CDH10: variants seen among roughly 807,000 people sequenced by gnomAD.
CDH10 encodes the protein cadherin 10.
In CDH10, 30 loss-of-function variants were observed where a neutral mutation model predicts 73.1. That is an observed-to-expected ratio of 0.41 (90% CI 0.31 to 0.56). The LOEUF (loss-of-function observed/expected upper bound fraction) is 0.56. Among genes scored for constraint, CDH10 ranks in the 20% least tolerant of loss-of-function variants. The pLI is 0.27. For synonymous variants in CDH10, 345 were observed against 348.2 expected, an observed-to-expected ratio of 0.99 and a Z score of 0.10; for missense variants, 815 against 973.7, an observed-to-expected ratio of 0.84 and a Z score of 2.17.
chr5:24,542,394 A>G (rs1051309360), intron 2 of CDH10, among the ~76,000 whole-genome samples: 3 of 152,148 alleles, frequency 2.0e-5, no homozygotes, highest in Non-Finnish European at 2.9e-5. Context: ...AGTTTATAAT[A>G]CTGTATTTTT....
At chr5:24,522,392 G>T (rs1007905988) in intron 5 of CDH10, among the ~76,000 whole-genome samples, 1 of 151,994 alleles carries the variant, frequency 6.6e-6, no homozygotes, top group African/African-American at 2.4e-5. Flanking sequence ...ATCTTTTTAA[G>T]AAACCTAGTA....
At chr5:24,627,497 T>C (rs79993348) in intron 1 of CDH10, among the ~76,000 whole-genome samples, 2 of 152,256 alleles carry the variant, frequency 1.3e-5, no homozygotes, top group South Asian at 2.1e-4. Flanking sequence ...TATTTAAACA[T>C]GCAATAGCGG....
intron 1 of CDH10, among the ~76,000 whole-genome samples, chr5:24,600,511 T>TA (rs1746519953): frequency 6.6e-6 from 1 of 152,160 alleles, no homozygotes; most frequent in African/African-American, 2.4e-5. Context: ...AAAGAGCACC[T>TA]AATCCAAACA....
chr5:24,562,581 T>C (rs565950914), intron 2 of CDH10, among the ~76,000 whole-genome samples: 1 of 152,294 alleles, frequency 6.6e-6, no homozygotes, highest in East Asian at 1.9e-4. Flanking sequence ...TTTATCTTAT[T>C]ATTTCACTAT....
intron 5 of CDH10, among the ~76,000 whole-genome samples, chr5:24,529,503 C>A (rs1188661548): frequency 6.6e-6 from 1 of 151,826 alleles, no homozygotes; most frequent in Non-Finnish European, 1.5e-5. Flanking sequence ...CTAACATTAA[C>A]CAAATGATGA....
At chr5:24,525,505 T>C (rs1016072960) in intron 5 of CDH10, among the ~76,000 whole-genome samples, 12 of 152,086 alleles carry the variant, frequency 7.9e-5, no homozygotes, top group Non-Finnish European at 1.5e-4. Context: ...TGTATAATGC[T>C]TAAAAGATGT....
chr5:24,516,689 T>C (rs1743119816), intron 5 of CDH10, among the ~76,000 whole-genome samples: 1 of 151,948 alleles, frequency 6.6e-6, no homozygotes, highest in Non-Finnish European at 1.5e-5. Flanking sequence ...CATTGGATGA[T>C]TTTTTTAGGT....
intron 1 of CDH10, among the ~76,000 whole-genome samples, chr5:24,625,658 A>C: frequency 9.1e-6 from 1 of 109,360 alleles, no homozygotes; most frequent in African/African-American, 4.3e-5. Flanking sequence ...TTCACAATTC[A>C]CAAACATGAA....
intron 11 of CDH10, among the ~76,000 whole-genome samples, chr5:24,488,530 T>C (rs765943589): frequency 5.9e-5 from 9 of 152,186 alleles, no homozygotes; most frequent in Non-Finnish European, 1.0e-4. Flanking sequence ...CTACACAAAT[T>C]GAATTCAGCT....
At chr5:24,635,155 G>A (rs1457734277) in intron 1 of CDH10, among the ~76,000 whole-genome samples, 3 of 151,832 alleles carry the variant, frequency 2.0e-5, no homozygotes, top group Non-Finnish European at 2.9e-5. Context: ...CAGGGACCTC[G>A]TCTAGGTAAT....
chr5:24,561,078 C>G (rs1744944796), intron 2 of CDH10, among the ~76,000 whole-genome samples: 1 of 152,022 alleles, frequency 6.6e-6, no homozygotes, highest in African/African-American at 2.4e-5. Context: ...ATTTAAAGTG[C>G]TTAGCAATAG....
chr5:24,587,929 G>A (rs1005616214), intron 2 of CDH10, among the ~76,000 whole-genome samples: 1 of 152,128 alleles, frequency 6.6e-6, no homozygotes, highest in Admixed American at 6.5e-5. Flanking sequence ...TACATACATT[G>A]TATGCGTTTT....
At chr5:24,643,531 GAA>G (rs5866676) in intron 1 of CDH10, among the ~76,000 whole-genome samples, 95 of 149,510 alleles carry the variant, frequency 6.4e-4, no homozygotes, top group African/African-American at 2.0e-3. Context: ...GATCCTTCAA[GAA>G]AAAAAAAAAG....
chr5:24,540,940 A>C (rs1370204627), intron 2 of CDH10, among the ~76,000 whole-genome samples: 1 of 151,968 alleles, frequency 6.6e-6, no homozygotes, highest in Admixed American at 6.6e-5. Context: ...CTAATTGTAC[A>C]TAAAACTGTG....
At chr5:24,523,412 T>TA (rs544446569) in intron 5 of CDH10, among the ~76,000 whole-genome samples, 1 of 152,040 alleles carries the variant, frequency 6.6e-6, no homozygotes, top group South Asian at 2.1e-4. Context: ...TTTTAAAAAT[T>TA]AAAAAATTTC....
intron 1 of CDH10, among the ~76,000 whole-genome samples, chr5:24,607,654 TA>T (rs1474768994): frequency 1.3e-5 from 2 of 152,242 alleles, no homozygotes; most frequent in Non-Finnish European, 2.9e-5. Flanking sequence ...GTTAGTTTTT[TA>T]TGACTTTTAA....
At chr5:24,580,131 G>C (rs1018957883) in intron 2 of CDH10, among the ~76,000 whole-genome samples, 1 of 152,068 alleles carries the variant, frequency 6.6e-6, no homozygotes. Flanking sequence ...CCAGAAGACA[G>C]AGTGAAAATT....
At chr5:24,511,062 G>T (rs1268450310) in intron 6 of CDH10, among the ~76,000 whole-genome samples, 1 of 152,122 alleles carries the variant, frequency 6.6e-6, no homozygotes, top group Non-Finnish European at 1.5e-5. Flanking sequence ...TATTAATGTG[G>T]CTTAGAAATA....
intron 2 of CDH10, among the ~76,000 whole-genome samples, chr5:24,553,670 A>G (rs1028518259): frequency 2.0e-5 from 3 of 152,162 alleles, no homozygotes; most frequent in Non-Finnish European, 2.9e-5. Context: ...GGTGGCTACA[A>G]TGATACCTTC....
Sources: gnomAD v4.1 joint callset for allele counts (sites outside exome capture counted in the v4.1 genomes callset) on GRCh38, gnomAD v4.1.1 for gene constraint, MANE v1.5 for transcripts, NCBI Gene and HGNC (gene_info 2026-07-23, HGNC 2026-07-21) for gene names.